Variants in SLC2A9 observed in about 807,000 individuals in gnomAD.
The protein encoded by SLC2A9 is solute carrier family 2 member 9.
SLC2A9 carries 39 observed loss-of-function variants against 50.6 expected under a neutral mutation model. The ratio of observed to expected loss-of-function variants is 0.77; its 90% confidence interval spans 0.60 to 1.01. The LOEUF (loss-of-function observed/expected upper bound fraction) is 1.01. Among genes scored for constraint, SLC2A9 ranks in the 50% least tolerant of loss-of-function variants. The pLI, the probability that SLC2A9 is intolerant of heterozygous loss-of-function variation, is 0.00. For missense variants in SLC2A9, 686 were observed against 677.6 expected, an observed-to-expected ratio of 1.01 and a Z score of -0.14; for synonymous variants, 324 against 276.9, an observed-to-expected ratio of 1.17 and a Z score of -1.69.
chr4:9,800,638 T>C (rs1388273049), intron 3 of SLC2A9, among the ~76,000 whole-genome samples: 1 of 152,168 alleles, frequency 6.6e-6, no homozygotes, highest in Non-Finnish European at 1.5e-5. Context: ...TCCTTGGATT[T>C]AAGTATCCAC....
At chr4:9,845,095 G>A (rs2109256288) in intron 10 of SLC2A9, among the ~76,000 whole-genome samples, 1 of 151,966 alleles carries the variant, frequency 6.6e-6, no homozygotes, top group East Asian at 1.9e-4. Context: ...CTCACTGCAA[G>A]CTCCACCTCC....
chr4:9,976,669 A>G (rs563683366), intron 5 of SLC2A9, among the ~76,000 whole-genome samples: 4 of 152,210 alleles, frequency 2.6e-5, no homozygotes, highest in Non-Finnish European at 5.9e-5. Flanking sequence ...GCCTATAGGA[A>G]CCAATGGTAC....
intron 3 of SLC2A9, among the ~76,000 whole-genome samples, chr4:9,802,025 T>C (rs900896614): frequency 6.6e-6 from 1 of 152,192 alleles, no homozygotes; most frequent in East Asian, 1.9e-4. Flanking sequence ...CTCTACTCCA[T>C]CCCACTTGAG....
chr4:9,985,632 A>C, intron 4 of SLC2A9, 37 bp downstream of exon 4: 1 of 1,613,598 alleles, frequency 6.2e-7, no homozygotes, highest in Non-Finnish European at 8.5e-7. Context: ...CCCAAGGAGT[A>C]TGTTACTGTT....
chr4:9,841,333 A>G (rs1728055907), intron 10 of SLC2A9, among the ~76,000 whole-genome samples: 1 of 151,982 alleles, frequency 6.6e-6, no homozygotes, highest in Admixed American at 6.6e-5. Flanking sequence ...TGTTTTCTGC[A>G]TAGATATTGT....
At chr4:9,815,074 A>G (rs897068303) in intron 3 of SLC2A9, among the ~76,000 whole-genome samples, 3 of 152,230 alleles carry the variant, frequency 2.0e-5, no homozygotes, top group Non-Finnish European at 2.9e-5. Flanking sequence ...CACAGAAAAT[A>G]ACCCAATGAT....
intron 5 of SLC2A9, among the ~76,000 whole-genome samples, chr4:9,963,065 T>C (rs1168893925): frequency 6.6e-6 from 1 of 152,188 alleles, no homozygotes; most frequent in African/African-American, 2.4e-5. Flanking sequence ...TCTAACAGAC[T>C]TCCACAGTTT....
intron 2 of SLC2A9, among the ~76,000 whole-genome samples, chr4:10,005,863 C>T (rs1464893916): frequency 6.6e-6 from 1 of 152,176 alleles, no homozygotes; most frequent in African/African-American, 2.4e-5. Flanking sequence ...AGCTCTGCCA[C>T]TTCTTTGCTG....
intron 5 of SLC2A9, among the ~76,000 whole-genome samples, chr4:9,960,257 C>A (rs1327978075): frequency 6.6e-6 from 1 of 152,236 alleles, no homozygotes; most frequent in Non-Finnish European, 1.5e-5. Context: ...TAAAACTGCA[C>A]AGACTGGCAC....
At chr4:9,880,569 G>C in intron 10 of SLC2A9, 1 of 985,396 alleles carries the variant, frequency 1.0e-6, no homozygotes, top group Non-Finnish European at 1.2e-6. Context: ...AGAAGGCTAA[G>C]CTTAGTGATT....
chr4:9,841,702 T>C (rs979103270), intron 10 of SLC2A9, among the ~76,000 whole-genome samples: 6 of 152,128 alleles, frequency 3.9e-5, no homozygotes, highest in Admixed American at 6.6e-5. Flanking sequence ...CTTCTCTCTC[T>C]CTTCTTAGAT....
At chr4:9,918,627 G>T (rs1365275784) in intron 7 of SLC2A9, among the ~76,000 whole-genome samples, 1 of 152,200 alleles carries the variant, frequency 6.6e-6, no homozygotes, top group Non-Finnish European at 1.5e-5. Context: ...CAGCCATGGG[G>T]ACAGCTCCTG....
chr4:9,782,166 T>C (rs757728622), intron 3 of SLC2A9: 14 of 1,594,310 alleles, frequency 8.8e-6, no homozygotes, highest in Non-Finnish European at 1.0e-5. Flanking sequence ...ACCGCCTGCC[T>C]GCTGACCCTA....
At chr4:9,911,979 T>C (rs1245138979) in intron 7 of SLC2A9, among the ~76,000 whole-genome samples, 1 of 152,220 alleles carries the variant, frequency 6.6e-6, no homozygotes, top group Non-Finnish European at 1.5e-5. Context: ...AATGAGTTCA[T>C]GTCCTTTGTA....
chr4:9,816,329 TA>T, intron 3 of SLC2A9, among the ~76,000 whole-genome samples: 1 of 152,176 alleles, frequency 6.6e-6, no homozygotes, highest in Non-Finnish European at 1.5e-5. Context: ...AACTAATTTC[TA>T]AAAACTTATG....
chr4:10,012,552 T>C (rs1761935207), intron 2 of SLC2A9, among the ~76,000 whole-genome samples: 1 of 152,126 alleles, frequency 6.6e-6, no homozygotes, highest in Admixed American at 6.5e-5. Flanking sequence ...TTAAATACCA[T>C]GAGGAGAAAT....
chr4:9,916,756 G>C (rs1742914948), intron 7 of SLC2A9, among the ~76,000 whole-genome samples: 1 of 152,184 alleles, frequency 6.6e-6, no homozygotes, highest in African/African-American at 2.4e-5. Context: ...CATGACCCTG[G>C]GCATTCTGGA....
At chr4:9,804,969 G>C (rs964613122) in intron 3 of SLC2A9, among the ~76,000 whole-genome samples, 1 of 152,202 alleles carries the variant, frequency 6.6e-6, no homozygotes, top group African/African-American at 2.4e-5. Context: ...CCTAGAGCCA[G>C]AGGGACAAAA....
intron 10 of SLC2A9, chr4:9,879,453 G>T: frequency 1.0e-6 from 1 of 985,326 alleles, no homozygotes; most frequent in South Asian, 4.7e-5. Flanking sequence ...TGGCTGCAGT[G>T]CAGGGAGAAT....
Sources: allele counts gnomAD v4.1 joint callset (sites outside exome capture counted in the v4.1 genomes callset), GRCh38; gene constraint gnomAD v4.1.1; transcripts MANE v1.5; gene names NCBI Gene and HGNC (gene_info 2026-07-23, HGNC 2026-07-21).